Variants in WWC1 observed in about 807,000 individuals in gnomAD.
WWC1 encodes the protein WW and C2 domain containing 1, also known as protein KIBRA.
WWC1 carries 55 observed loss-of-function variants against 138.4 expected under a neutral mutation model. The observed-to-expected ratio is 0.40, with a 90% CI of 0.32 to 0.50. WWC1 has a LOEUF of 0.50. WWC1 is among the 20% of genes least tolerant of loss of function. The probability of loss-of-function intolerance (pLI) is 0.72; values close to 1 mark genes in which losing one functional copy is unlikely to be tolerated. For synonymous variants in WWC1, 524 were observed against 564.9 expected (o/e 0.93, Z 1.03); for missense variants, 1,226 against 1,420.4 (o/e 0.86, Z 2.20).
At chr5:168,389,301 G>A (rs1582125412) in intron 3 of WWC1, among the ~76,000 whole-genome samples, 2 of 152,010 alleles carry the variant, frequency 1.3e-5, no homozygotes, top group Non-Finnish European at 1.5e-5. Flanking sequence ...ACAAAAATTA[G>A]CTGGGCGTGG....
chr5:168,426,656 G>C (rs1035448452), intron 11 of WWC1, among the ~76,000 whole-genome samples: 2 of 152,216 alleles, frequency 1.3e-5, no homozygotes, highest in Admixed American at 6.5e-5. Flanking sequence ...GTCTCCGCGG[G>C]CTCAGCAGGC....
chr5:168,307,708 G>T (rs1770700789), intron 1 of WWC1, among the ~76,000 whole-genome samples: 1 of 150,586 alleles, frequency 6.6e-6, no homozygotes, highest in Admixed American at 6.7e-5. Context: ...GGGTTCAAGC[G>T]ATTCTCCTGC....
At chr5:168,345,976 C>T (rs935984411) in intron 1 of WWC1, among the ~76,000 whole-genome samples, 50 of 152,162 alleles carry the variant, frequency 3.3e-4, no homozygotes, top group Admixed American at 1.1e-3. Context: ...TTCCCCAGTG[C>T]GAGCCTGCGG....
intron 1 of WWC1, among the ~76,000 whole-genome samples, chr5:168,347,236 G>A (rs1410089435): frequency 6.6e-6 from 1 of 152,172 alleles, no homozygotes; most frequent in Non-Finnish European, 1.5e-5. Context: ...GTGTCCTGGG[G>A]CCTGGGATGC....
Position 168,423,547 on chromosome 5 carries a change from T to G in WWC1, c.1289T>G (p.Met430Arg). 2 of 1,612,268 alleles carry G rather than the reference T, an allele frequency of 1.2e-6. No individual in the cohort carries two copies. Among genetic ancestry groups the G allele is most frequent in the Non-Finnish European group, 1.7e-6 (2 of 1,179,128 alleles). ...CTGTGTCCCAGTCTCTCAAGCAGCA[T>G]GCAGTCCCTGTCCTCAGGCAGCAGC... ...HSQLKSLSSS[M>R]QSLSSGSSPG... The change falls in exon 11 of 23, where the codon ATG (methionine) becomes AGG (arginine). Residue 430 changes from methionine to arginine, a missense_variant. Physicochemically the swap from Met to Arg is moderately conservative, Grantham distance 91. This residue lies in a region of WWC1 where 1,016 missense variants were observed against 1,153.9 expected (regional missense o/e 0.88). Transcript: ENST00000265293.
At chr5:168,340,692 T>C (rs1024701863) in intron 1 of WWC1, among the ~76,000 whole-genome samples, 1 of 152,252 alleles carries the variant, frequency 6.6e-6, no homozygotes, top group Non-Finnish European at 1.5e-5. Context: ...CCAAATAATA[T>C]TCCATTGTAT....
Position 168,292,384 on chromosome 5 carries a change from G to C in WWC1, c.119+113G>C. On this transcript the variant is annotated intron_variant, in intron 1 of 22. Transcript: ENST00000265293. The surrounding 1 kb of genome is among the most constrained non-coding windows in gnomAD (Gnocchi z 4.4). ...GGCAGGGGAGCTCTGCGTGCCTCTT[G>C]AGCTCTCTTCAGTTCGCCACCCCCT... The C allele has an allele frequency of 7.7e-7, 1 of 1,301,020 alleles. No homozygotes were observed. The highest frequency in any genetic ancestry group is 1.4e-5 in the South Asian group (1 of 72,058). The allele number at this position is 1,301,020 out of a possible 1,614,324, so 80.6% of individuals were successfully genotyped here. A position where few individuals can be genotyped will look rare whatever the true frequency, so the allele number is the denominator to read the frequency against.
intron 10 of WWC1, 148 bp downstream of exon 10, chr5:168,422,245 C>G: frequency 1.3e-6 from 1 of 763,750 alleles, no homozygotes; most frequent in Non-Finnish European, 2.2e-6. Flanking sequence ...TGTCAGCAGA[C>G]TCGGGCGTGG....
In WWC1 at chr5:168,370,241, A is replaced by G. The variant is rs543137131; in HGVS notation, c.120-1183A>G. ...ATTGAGCGCCAATTGTGCTGGACAC[A>G]GGATTCTGTAGCTTGGTTGCACCAT... On this transcript the variant is annotated intron_variant, in intron 1 of 22. Coordinates refer to ENST00000265293, the MANE Select transcript of WWC1 (RefSeq NM_015238.3). Among the ~76,000 whole-genome samples, 5 of 152,308 alleles carry G rather than the reference A, an allele frequency of 3.3e-5. No individual in the cohort carries two copies. The South Asian group carries it at 6.2e-4, about 19-fold the overall frequency.
chr5:168,428,241 C>T (rs1781664943), intron 12 of WWC1, 100 bp downstream of exon 12: 2 of 1,234,910 alleles, frequency 1.6e-6, no homozygotes, highest in Middle Eastern at 2.6e-4. Context: ...TTGGCCCCCA[C>T]AGTGTGTGGG....
chr5:168,408,945 G>C (rs941860828), intron 7 of WWC1, among the ~76,000 whole-genome samples: 1 of 152,142 alleles, frequency 6.6e-6, no homozygotes, highest in Non-Finnish European at 1.5e-5. Flanking sequence ...CATGTTTAAA[G>C]GACAAAATGT....
intron 15 of WWC1, among the ~76,000 whole-genome samples, chr5:168,433,707 T>G (rs1478000061): frequency 1.3e-5 from 2 of 152,102 alleles, no homozygotes; most frequent in Non-Finnish European, 2.9e-5. Flanking sequence ...CCGGCTAATT[T>G]TTGTATTTTT....
intron 1 of WWC1, among the ~76,000 whole-genome samples, chr5:168,342,560 G>A (rs1034613636): frequency 4.6e-5 from 7 of 152,202 alleles, no homozygotes; most frequent in Non-Finnish European, 7.3e-5. Context: ...TGGAGGCCCT[G>A]AAGGCTTTGT....
intron 15 of WWC1, among the ~76,000 whole-genome samples, chr5:168,438,813 A>C (rs1754488384): frequency 1.3e-5 from 2 of 152,132 alleles, no homozygotes; most frequent in South Asian, 4.1e-4. Context: ...AAACAGTAAA[A>C]ATATTAAGTC....
At chr5:168,378,398 AC>A (rs1485332872) in intron 2 of WWC1, among the ~76,000 whole-genome samples, 1 of 152,198 alleles carries the variant, frequency 6.6e-6, no homozygotes, top group African/African-American at 2.4e-5. Flanking sequence ...ATGCACAGGT[AC>A]CCCCTGAATC....
intron 1 of WWC1, among the ~76,000 whole-genome samples, chr5:168,302,517 G>A (rs1253091246): frequency 1.3e-5 from 2 of 152,172 alleles, no homozygotes. Flanking sequence ...CAGTGGTGGT[G>A]CGGACCTAGA....
intron 1 of WWC1, among the ~76,000 whole-genome samples, chr5:168,306,310 C>A (rs1465013585): frequency 6.6e-6 from 1 of 152,166 alleles, no homozygotes; most frequent in African/African-American, 2.4e-5. Flanking sequence ...GCAGGGGAAT[C>A]GCTTGAACCC....
intron 3 of WWC1, among the ~76,000 whole-genome samples, chr5:168,392,428 T>G: frequency 6.6e-6 from 1 of 152,206 alleles, no homozygotes; most frequent in Admixed American, 6.5e-5. Flanking sequence ...CGCTCATGCC[T>G]GTAATACCAG....
intron 1 of WWC1, among the ~76,000 whole-genome samples, chr5:168,300,218 A>G (rs1769938862): frequency 6.6e-6 from 1 of 152,246 alleles, no homozygotes; most frequent in Non-Finnish European, 1.5e-5. Flanking sequence ...GAAACTGGAT[A>G]CAGTGACATT....
Sources: allele counts gnomAD v4.1 joint callset (sites outside exome capture counted in the v4.1 genomes callset), GRCh38; gene constraint gnomAD v4.1.1; regional missense constraint gnomAD v4.1.1; non-coding constraint Gnocchi (gnomAD v3.1); transcripts MANE v1.5; gene names NCBI Gene and HGNC (gene_info 2026-07-23, HGNC 2026-07-21).